RASSF10: variants seen among roughly 807,000 people sequenced by gnomAD.
The protein encoded by RASSF10 is Ras association domain family member 10.
Under a neutral mutation model 41.5 loss-of-function variants are expected in RASSF10, and 22 were observed. The ratio of observed to expected loss-of-function variants is 0.53; its 90% CI spans 0.38 to 0.76. RASSF10 has a LOEUF of 0.76. Ranked by LOEUF, RASSF10 falls within the 30% of genes least tolerant of loss-of-function variation. The pLI is 0.00. For synonymous variants in RASSF10, 364 were observed against 319.0 expected (o/e 1.14, Z -1.50); for missense variants, 776 against 711.8 (o/e 1.09, Z -1.03).
rs754323227 is a variant in RASSF10, at chr11:13,010,891, T to G, written c.1315T>G (p.Leu439Val). 2 of 1,613,728 alleles carry G rather than the reference T, an allele frequency of 1.2e-6. No individual in the cohort carries two copies. The highest frequency in any genetic ancestry group is 1.1e-5 in the South Asian group (1 of 91,078). Residue 439 changes from leucine (L) to valine (V), a missense_variant, in exon 1 of 1, where the codon TTG (leucine) becomes GTG (valine). Transcript: ENST00000529419. The surrounding 1 kb of genome is among the most constrained non-coding windows in gnomAD (Gnocchi z 4.8). ...LQGLLQTLHT[L>V]ELTVAPDGAP... ...GGGCCTTCTGCAAACTTTGCACACT[T>G]TGGAGCTGACGGTGGCACCGGATGG... is the stretch of plus-strand genomic sequence containing the variant.
rs114750615 is a variant in RASSF10, at chr11:13,010,933, A to G, written c.1357A>G (p.Ser453Gly). Residue 453 changes from serine (S) to glycine (G), a missense_variant, in exon 1 of 1, where the codon AGT becomes GGT. Ser to Gly is a moderately conservative substitution (Grantham distance 56). Coordinates refer to ENST00000529419, the MANE Select transcript of RASSF10 (RefSeq NM_001080521.3). The surrounding 1 kb of genome is among the most constrained non-coding windows in gnomAD (Gnocchi z 4.8). ...ACCGGATGGGGCTCCTGGCTCTGGCAGTCCCTCGCGGGAACCTGGGCCTCA... is the reference window on the plus strand; with the variant it reads ...ACCGGATGGGGCTCCTGGCTCTGGCGGTCCCTCGCGGGAACCTGGGCCTCA... Reference protein sequence around the residue: ...VAPDGAPGSGSPSREPGPQAC... With the variant: ...VAPDGAPGSGGPSREPGPQAC... The G allele has an allele frequency of 1.3e-3, 2,111 of 1,613,722 alleles. 29 individuals are homozygous for G. In the African/African-American group the frequency reaches 0.024, roughly 19 times the overall value.
In RASSF10 at chr11:13,011,076, G is replaced by T; in HGVS notation, c.1500G>T (p.Leu500Phe). The change falls in exon 1 of 1, where the codon TTG becomes TTT. Residue 500 changes from leucine to phenylalanine, a missense_variant. Coordinates refer to ENST00000529419, the MANE Select transcript of RASSF10 (RefSeq NM_001080521.3). ...SSMHSQDSDS[L>F]PMCESLV ...TGCATAGCCAAGACTCGGACTCCTT[G>T]CCCATGTGCGAATCCCTTGTGTAGG... The T allele has an allele frequency of 7.6e-7, 1 of 1,321,482 alleles. No individual in the cohort carries two copies. Among genetic ancestry groups the T allele is most frequent in the South Asian group, 1.2e-5 (1 of 83,764 alleles). 81.9% of individuals were successfully genotyped at this position (1,321,482 alleles called of 1,614,324 possible). A position where few individuals can be genotyped will look rare whatever the true frequency, so the allele number is the denominator to read the frequency against.
At position 13,010,883 on chromosome 11, in the gene RASSF10, T is replaced by C; in HGVS notation, c.1307T>C (p.Leu436Ser). ...KRELQGLLQT[L>S]HTLELTVAPD... Reference sequence around the variant, plus strand: ...GAGCTACAGGGCCTTCTGCAAACTTTGCACACTTTGGAGCTGACGGTGGCA... The same window carrying C: ...GAGCTACAGGGCCTTCTGCAAACTTCGCACACTTTGGAGCTGACGGTGGCA... The change falls in exon 1 of 1, where the codon TTG becomes TCG. Residue 436 changes from leucine to serine, a missense_variant. By Grantham distance (145) the Leu-to-Ser change is moderately radical (BLOSUM62 -2). Transcript: ENST00000529419. The surrounding 1 kb of genome is among the most constrained non-coding windows in gnomAD (Gnocchi z 4.8). The C allele has an allele frequency of 6.2e-7, 1 of 1,613,888 alleles. No homozygotes were observed. The highest frequency in any genetic ancestry group is 8.5e-7 in the Non-Finnish European group (1 of 1,179,854).
In RASSF10 at chr11:13,009,575, C is replaced by T; in HGVS notation, c.-2C>T. ...ACCTGCCACCTGCGCCCTGGTTGCG[C>T]CATGGATCCTTCGGAAAAGAAGATA... On this transcript the variant is annotated 5_prime_UTR_variant, in exon 1 of 1. Coordinates refer to ENST00000529419, the MANE Select transcript of RASSF10 (RefSeq NM_001080521.3). 6.2e-7 allele frequency: 1 copy of T among 1,607,686 alleles called. No individual in the cohort carries two copies.
chr11:13,010,269 G>T lies in RASSF10; in HGVS notation c.693G>T (p.Leu231=). ...AGCGCATGGAGACGCTGGTGCATCT[G>T]GTGCTTTCCCAGGACCACACAATTC... ...SVERMETLVH[L]VLSQDHTIRQ... Residue 231 remains leucine, a synonymous_variant, in exon 1 of 1, where the codon CTG becomes CTT. Transcript: ENST00000529419. The surrounding 1 kb of genome is among the most constrained non-coding windows in gnomAD (Gnocchi z 4.8). The T allele has an allele frequency of 1.3e-6, 2 of 1,564,722 alleles. No individual in the cohort carries two copies. Among genetic ancestry groups the T allele is most frequent in the Non-Finnish European group, 1.7e-6 (2 of 1,154,982 alleles).
rs1329811110 is a variant in RASSF10 at position 13,009,906 on chromosome 11, C to G, written c.330C>G (p.Ile110Met). 1.9e-6 allele frequency: 3 copies of G among 1,602,794 alleles called. No homozygotes were observed. Among genetic ancestry groups the G allele is most frequent in the Non-Finnish European group, 2.6e-6 (3 of 1,175,112 alleles). ...GCATCCTCCCCAACAAGACGCGCAT[C>G]TTGCGCCTCTGGGCTGCCTGGGGCG... ...FERILPNKTR[I>M]LRLWAAWGEE... The change falls in exon 1 of 1, where the codon ATC (isoleucine) becomes ATG (methionine). Residue 110 changes from isoleucine (I) to methionine (M), a missense_variant. Physicochemically the swap from Ile to Met is conservative, Grantham distance 10. Coordinates refer to ENST00000529419, the MANE Select transcript of RASSF10 (RefSeq NM_001080521.3).
chr11:13,009,517 G>T lies in RASSF10; in HGVS notation c.-60G>T. 6.4e-7 allele frequency: 1 copy of T among 1,568,920 alleles called. No homozygotes were observed. Among genetic ancestry groups the T allele is most frequent in the African/African-American group, 1.4e-5 (1 of 74,024 alleles). On this transcript the variant is annotated 5_prime_UTR_variant, in exon 1 of 1. Coordinates refer to ENST00000529419, the MANE Select transcript of RASSF10 (RefSeq NM_001080521.3). ...ATCCCAGAGCTACTGGGCTGCCCTT[G>T]CTGTCCTCGCCGCCCCAGCAGACCC... is the stretch of plus-strand genomic sequence containing the variant.
Position 13,009,731 on chromosome 11 carries a change from T to C in RASSF10, c.155T>C (p.Leu52Pro). Residue 52 changes from leucine to proline, a missense_variant, in exon 1 of 1, where the codon CTG (leucine) becomes CCG (proline). Coordinates refer to ENST00000529419, the MANE Select transcript of RASSF10 (RefSeq NM_001080521.3). The stretch of plus-strand genomic sequence containing the variant: ...CGGAGACAGCGGCGGAGCCGGCGGC[T>C]GGGGTCGGCCGGCGACCCGCATGGC... ...RRRRQRRSRR[L>P]GSAGDPHGPG... 1 of 1,580,594 alleles carries C rather than the reference T, an allele frequency of 6.3e-7. No individual in the cohort carries two copies. The highest frequency in any genetic ancestry group is 8.6e-7 in the Non-Finnish European group (1 of 1,164,462).
In RASSF10 at chr11:13,010,152, G is replaced by C; in HGVS notation, c.576G>C (p.Gln192His). 6.3e-7 allele frequency: 1 copy of C among 1,575,924 alleles called. No individual in the cohort carries two copies. The highest frequency in any genetic ancestry group is 8.6e-7 in the Non-Finnish European group (1 of 1,161,770). The change falls in exon 1 of 1, where the codon CAG (glutamine) becomes CAC (histidine). Residue 192 changes from glutamine (Q) to histidine (H), a missense_variant. Coordinates refer to ENST00000529419, the MANE Select transcript of RASSF10 (RefSeq NM_001080521.3). The surrounding 1 kb of genome is among the most constrained non-coding windows in gnomAD (Gnocchi z 4.8). ...RKLAKLNRRR[Q>H]QQTPSSCSST... is the part of the protein sequence containing the mutation. ...TGGCCAAGCTCAACCGGCGGCGCCAGCAGCAGACACCGTCGTCCTGTTCGT... is the reference window on the plus strand; with the variant it reads ...TGGCCAAGCTCAACCGGCGGCGCCACCAGCAGACACCGTCGTCCTGTTCGT...
At position 13,009,904 on chromosome 11, in the gene RASSF10, A is replaced by C; in HGVS notation, c.328A>C (p.Ile110Leu). 1 of 1,603,554 alleles carries C rather than the reference A, an allele frequency of 6.2e-7. No individual in the cohort carries two copies. Among genetic ancestry groups the C allele is most frequent in the Non-Finnish European group, 8.5e-7 (1 of 1,175,512 alleles). The change falls in exon 1 of 1, where the codon ATC (isoleucine) becomes CTC (leucine). Residue 110 changes from isoleucine (I) to leucine (L), a missense_variant. Physicochemically the swap from Ile to Leu is conservative, Grantham distance 5. Coordinates refer to ENST00000529419, the MANE Select transcript of RASSF10 (RefSeq NM_001080521.3). ...FERILPNKTR[I>L]LRLWAAWGEE... is the part of the protein sequence containing the mutation. ...GCGCATCCTCCCCAACAAGACGCGC[A>C]TCTTGCGCCTCTGGGCTGCCTGGGG... is the stretch of plus-strand genomic sequence containing the variant.
rs1287589867 is a variant in RASSF10, at chr11:13,010,560, C to T, written c.984C>T (p.Asp328=). The T allele has an allele frequency of 3.2e-6, 5 of 1,547,504 alleles. No homozygotes were observed. The highest frequency in any genetic ancestry group is 3.5e-6 in the Non-Finnish European group (4 of 1,144,368). The change falls in exon 1 of 1, where the codon GAC becomes GAT. Residue 328 remains aspartate, a synonymous_variant. Coordinates refer to ENST00000529419, the MANE Select transcript of RASSF10 (RefSeq NM_001080521.3). The surrounding 1 kb of genome is among the most constrained non-coding windows in gnomAD (Gnocchi z 4.8). ...ALEELARRCD[D]LLRLQEQRVQ... ...AGGAGCTGGCCCGGCGCTGCGACGACTTGCTGCGGCTTCAGGAGCAACGGG... is the reference window on the plus strand; with the variant it reads ...AGGAGCTGGCCCGGCGCTGCGACGATTTGCTGCGGCTTCAGGAGCAACGGG...
rs1416946679 is a variant in RASSF10, at chr11:13,011,205, C to A, written c.*105C>A. The stretch of plus-strand genomic sequence containing the variant: ...GACTTGAAACCAGGCTGTTGCGAGC[C>A]CAGAGCTCCGGCTGGGCAGCAGCGC... On this transcript the variant is annotated 3_prime_UTR_variant, in exon 1 of 1. Coordinates refer to ENST00000529419, the MANE Select transcript of RASSF10 (RefSeq NM_001080521.3). 13 of 941,416 alleles carry A rather than the reference C, an allele frequency of 1.4e-5. No homozygotes were observed. In the Admixed American group the frequency reaches 2.5e-4, roughly 18 times the overall value. 58.3% of individuals were successfully genotyped at this position (941,416 alleles called of 1,614,324 possible).
Position 13,009,815 on chromosome 11 carries a change from C to T in RASSF10, c.239C>T (p.Pro80Leu), listed in dbSNP as rs377455730. Residue 80 changes from proline (P) to leucine (L), a missense_variant, in exon 1 of 1, where the codon CCG becomes CTG. Transcript: ENST00000529419. ...EDDEDDDEAL[P>L]QGMLCGPPQC... ...GACGAGGACGACGACGAGGCGCTGC[C>T]GCAGGGCATGCTGTGCGGGCCCCCG... 1.2e-6 allele frequency: 2 copies of T among 1,607,484 alleles called. No individual in the cohort carries two copies. Among genetic ancestry groups the T allele is most frequent in the Admixed American group, 1.7e-5 (1 of 59,534 alleles).
In RASSF10 at chr11:13,011,265, G is replaced by A. The variant is rs946006051; in HGVS notation, c.*165G>A. ...CCTCGCGCTCATCTGGCTCCGGGGT[G>A]AGTGCAGAGCAGGGTGAGGGTAGAA... is the stretch of plus-strand genomic sequence containing the variant. On this transcript the variant is annotated 3_prime_UTR_variant, in exon 1 of 1. Transcript: ENST00000529419. 8.2e-6 allele frequency: 5 copies of A among 612,832 alleles called. No homozygotes were observed. Among genetic ancestry groups the A allele is most frequent in the Non-Finnish European group, 1.4e-5 (5 of 350,020 alleles). 38.0% of individuals were successfully genotyped at this position (612,832 alleles called of 1,614,324 possible).
rs1296025078 is a variant in RASSF10 at position 13,010,733 on chromosome 11, A to C, written c.1157A>C (p.Glu386Ala). Residue 386 changes from glutamate (E) to alanine (A), a missense_variant, in exon 1 of 1, where the codon GAG becomes GCG. Transcript: ENST00000529419. The surrounding 1 kb of genome is among the most constrained non-coding windows in gnomAD (Gnocchi z 4.8). Reference protein sequence around the residue: ...DGGPDGELLLEQERVRTQLST... With the variant: ...DGGPDGELLLAQERVRTQLST... ...GGCCCCGACGGCGAGCTGCTGCTGGAGCAGGAACGGGTCAGGACGCAGCTC... is the reference window on the plus strand; with the variant it reads ...GGCCCCGACGGCGAGCTGCTGCTGGCGCAGGAACGGGTCAGGACGCAGCTC... 6.3e-7 allele frequency: 1 copy of C among 1,599,822 alleles called. No individual in the cohort carries two copies. Among genetic ancestry groups the C allele is most frequent in the South Asian group, 1.1e-5 (1 of 88,694 alleles).
chr11:13,009,990 C>G lies in RASSF10; in HGVS notation c.414C>G (p.Ala138=). 6.5e-7 allele frequency: 1 copy of G among 1,546,610 alleles called. No individual in the cohort carries two copies. The highest frequency in any genetic ancestry group is 8.7e-7 in the Non-Finnish European group (1 of 1,144,380). Reference sequence around the variant, plus strand: ...GCAGCGAGGCATCGCTGCCTAACGCCGGCCCCCGCAGCGCCGAGGCGCGCG... The same window carrying G: ...GCAGCGAGGCATCGCTGCCTAACGCGGGCCCCCGCAGCGCCGAGGCGCGCG... The part of the protein sequence containing the change: ...LVRSEASLPN[A]GPRSAEARVV... The change falls in exon 1 of 1, where the codon GCC becomes GCG. Residue 138 remains alanine, a synonymous_variant. Transcript: ENST00000529419.
chr11:13,011,931 T>C lies in RASSF10; in HGVS notation c.*831T>C, dbSNP rs181656500. 1 of 152,364 alleles carries C rather than the reference T, an allele frequency of 6.6e-6. No individual in the cohort carries two copies. Among genetic ancestry groups the C allele is most frequent in the East Asian group, 1.9e-4 (1 of 5,194 alleles). 9.4% of individuals were successfully genotyped at this position (152,364 alleles called of 1,614,324 possible). A position where few individuals can be genotyped will look rare whatever the true frequency, so the allele number is the denominator to read the frequency against. The stretch of plus-strand genomic sequence containing the variant: ...CAGGTGAGTTGCCCTTTAATTCGTA[T>C]TGCCACTTCATTGACTCAATCACTG... On this transcript the variant is annotated 3_prime_UTR_variant, in exon 1 of 1. Transcript: ENST00000529419.
chr11:13,010,464 G>A lies in RASSF10; in HGVS notation c.888G>A (p.Glu296=), dbSNP rs1416656450. 3.9e-6 allele frequency: 6 copies of A among 1,529,044 alleles called. No homozygotes were observed. The highest frequency in any genetic ancestry group is 5.3e-6 in the Non-Finnish European group (6 of 1,136,450). 94.7% of individuals were successfully genotyped at this position (1,529,044 alleles called of 1,614,324 possible). ...DGSRPGEEPE[E]VAAEAEEAAA... is the part of the protein sequence containing the mutation. ...CCAGACCGGGAGAGGAGCCAGAAGA[G>A]GTGGCGGCGGAGGCGGAGGAGGCGG... is the stretch of plus-strand genomic sequence containing the variant. Residue 296 remains glutamate, a synonymous_variant, in exon 1 of 1, where the codon GAG becomes GAA. Coordinates refer to ENST00000529419, the MANE Select transcript of RASSF10 (RefSeq NM_001080521.3). This position sits in a 1 kb window ranked among gnomAD's most constrained non-coding sequence, Gnocchi z 4.8.
Position 13,010,025 on chromosome 11 carries a change from G to T in RASSF10, c.449G>T (p.Ser150Ile). The change falls in exon 1 of 1, where the codon AGC becomes ATC. Residue 150 changes from serine to isoleucine, a missense_variant. By Grantham distance (142) the Ser-to-Ile change is moderately radical. Transcript: ENST00000529419. The surrounding 1 kb of genome is among the most constrained non-coding windows in gnomAD (Gnocchi z 4.8). ...AGCGCCGAGGCGCGCGTAGTGCTGA[G>T]CCGAGAGCGCCCCTGTCCGGCCCGC... Reference protein sequence around the residue: ...PRSAEARVVLSRERPCPARGA... With the variant: ...PRSAEARVVLIRERPCPARGA... 2 of 1,544,708 alleles carry T rather than the reference G, an allele frequency of 1.3e-6. No individual in the cohort carries two copies. Among genetic ancestry groups the T allele is most frequent in the East Asian group, 4.9e-5 (2 of 40,808 alleles).
Sources: allele counts gnomAD v4.1 joint callset, GRCh38; gene constraint gnomAD v4.1.1; non-coding constraint Gnocchi (gnomAD v3.1); transcripts MANE v1.5; gene names NCBI Gene and HGNC (gene_info 2026-07-23, HGNC 2026-07-21).